The following RICTOR variants were observed in gnomAD, a reference collection of about 807,000 sequenced individuals.
RICTOR encodes the protein RPTOR independent companion of MTOR complex 2.
A neutral mutation model predicts 214.9 loss-of-function variants in RICTOR; 49 were observed. That is an observed-to-expected ratio of 0.23 (90% CI 0.18 to 0.29). RICTOR has a LOEUF of 0.29. Among genes scored for constraint, RICTOR ranks in the 10% least tolerant of loss-of-function variants. The pLI is 1.00. For missense variants in RICTOR, 1,625 were observed against 2,047.0 expected, an observed-to-expected ratio of 0.79 and a Z score of 3.98; for synonymous variants, 717 against 711.3, an observed-to-expected ratio of 1.01 and a Z score of -0.13.
At chr5:39,019,953 AAGAAGTTT>A (rs1192926274) in intron 3 of RICTOR, among the ~76,000 whole-genome samples, 7 of 152,170 alleles carry the variant, frequency 4.6e-5, no homozygotes, top group African/African-American at 1.7e-4. Context: ...AGGAATTTGG[AAGAAGTTT>A]ATTCCAATAC....
intron 3 of RICTOR, among the ~76,000 whole-genome samples, chr5:39,009,432 A>G (rs1754321878): frequency 6.6e-6 from 1 of 152,188 alleles, no homozygotes; most frequent in African/African-American, 2.4e-5. Context: ...CTGATTATTA[A>G]TGTCAATGCA....
intron 2 of RICTOR, among the ~76,000 whole-genome samples, chr5:39,064,520 C>A (rs1758767311): frequency 6.6e-6 from 1 of 152,080 alleles, no homozygotes; most frequent in Non-Finnish European, 1.5e-5. Flanking sequence ...CTTTTTAAGG[C>A]AGGTAATTGA....
chr5:38,994,835 A>G (rs1753063949), intron 6 of RICTOR, among the ~76,000 whole-genome samples: 1 of 152,248 alleles, frequency 6.6e-6, no homozygotes, highest in African/African-American at 2.4e-5. Context: ...ATCCATTTGA[A>G]ATTGTCTTTT....
At chr5:38,991,277 A>G (rs1036353043) in intron 6 of RICTOR, among the ~76,000 whole-genome samples, 3 of 152,150 alleles carry the variant, frequency 2.0e-5, no homozygotes, top group African/African-American at 4.8e-5. Flanking sequence ...ATTACTATGG[A>G]AAATGTGTTA....
intron 7 of RICTOR, among the ~76,000 whole-genome samples, chr5:38,990,147 A>C (rs1045985690): frequency 6.6e-6 from 1 of 152,150 alleles, no homozygotes; most frequent in African/African-American, 2.4e-5. Context: ...TACACCATGG[A>C]ATACTATGCA....
intron 2 of RICTOR, among the ~76,000 whole-genome samples, chr5:39,052,971 A>G (rs931624767): frequency 5.9e-5 from 9 of 152,240 alleles, no homozygotes; most frequent in Admixed American, 2.6e-4. Flanking sequence ...TAAATATCAA[A>G]TAAATAACAG....
intron 16 of RICTOR, among the ~76,000 whole-genome samples, chr5:38,963,654 G>A (rs1749977996): frequency 6.6e-6 from 1 of 151,896 alleles, no homozygotes; most frequent in Admixed American, 6.6e-5. Context: ...TGACTGGCAA[G>A]TATTTATCAA....
intron 7 of RICTOR, among the ~76,000 whole-genome samples, 174 bp from the exon 8 acceptor site, chr5:38,982,210 T>C (rs1751768611): frequency 6.6e-6 from 1 of 152,134 alleles, no homozygotes; most frequent in Admixed American, 6.6e-5. Flanking sequence ...TGAATATACT[T>C]CCCCACAACC....
chr5:39,048,711 A>T (rs1291740551), intron 2 of RICTOR, among the ~76,000 whole-genome samples: 1 of 152,154 alleles, frequency 6.6e-6, no homozygotes, highest in Non-Finnish European at 1.5e-5. Flanking sequence ...AGTTCTAGTG[A>T]ATCACTGAAT....
intron 2 of RICTOR, among the ~76,000 whole-genome samples, chr5:39,064,117 G>A (rs527402430): frequency 2.0e-5 from 3 of 152,178 alleles, no homozygotes; most frequent in East Asian, 1.9e-4. Flanking sequence ...AATGTTATAC[G>A]TATTAACTAG....
intron 19 of RICTOR, among the ~76,000 whole-genome samples, chr5:38,960,749 CCA>C (rs4018991): frequency 1.5e-4 from 2 of 13,456 alleles, no homozygotes; most frequent in African/African-American, 2.2e-4. Flanking sequence ...CCCATAATCC[CCA>C]CATGTCATGA....
intron 2 of RICTOR, among the ~76,000 whole-genome samples, chr5:39,026,127 T>C (rs1043383323): frequency 1.2e-4 from 19 of 152,082 alleles, no homozygotes; most frequent in African/African-American, 3.9e-4. Context: ...AGGTCAGAAA[T>C]AAGATGATAT....
chr5:39,051,076 C>T (rs1038033270), intron 2 of RICTOR, among the ~76,000 whole-genome samples: 3 of 150,808 alleles, frequency 2.0e-5, no homozygotes, highest in Non-Finnish European at 3.0e-5. Context: ...CACCTACACA[C>T]ACACACACGC....
At chr5:39,039,528 T>G (rs188322615) in intron 2 of RICTOR, among the ~76,000 whole-genome samples, 5,036 of 152,132 alleles carry the variant, frequency 0.033, 138 homozygotes, top group South Asian at 0.082. Context: ...AGTGAACAGG[T>G]AACCTACAGA....
Position 39,025,816 on chromosome 5 carries a change from G to A in RICTOR, c.98-4680C>T, listed in dbSNP as rs527416866. ...CCACCTCCTAATACCAATACGTTAC[G>A]GGTTAGGATTTTGACATATTAATTT... On this transcript the variant is annotated intron_variant, in intron 2 of 37. Coordinates refer to ENST00000357387, the MANE Select transcript of RICTOR (RefSeq NM_152756.5). 3.9e-5 allele frequency among the ~76,000 whole-genome samples: 6 copies of A among 152,190 alleles called. No homozygotes were observed. The East Asian group carries it at 9.6e-4, about 24-fold the overall frequency.
chr5:38,974,557 A>T (rs2150047475), intron 10 of RICTOR, among the ~76,000 whole-genome samples: 1 of 152,040 alleles, frequency 6.6e-6, no homozygotes, highest in East Asian at 1.9e-4. Flanking sequence ...GAAGATGAGG[A>T]GTGGTAAAGG....
chr5:39,066,361 C>T (rs1408000414), intron 2 of RICTOR, among the ~76,000 whole-genome samples: 1 of 152,212 alleles, frequency 6.6e-6, no homozygotes, highest in Non-Finnish European at 1.5e-5. Flanking sequence ...CTAGCCCAGG[C>T]CCACAAAACC....
Position 38,938,947 on chromosome 5 carries a change from G to A in RICTOR, c.*3357C>T, listed in dbSNP as rs1232771906. The A allele has an allele frequency of 8.6e-6, 2 of 232,852 alleles. No homozygotes were observed. Among genetic ancestry groups the A allele is most frequent in the East Asian group, 1.2e-4 (2 of 16,414 alleles). The allele number at this position is 232,852 out of a possible 1,614,324, so 14.4% of individuals were successfully genotyped here. ...TTTTCCCCATGTTTTAATGGATTGTGAATCTGAGACAAAAGTGGAAGCATA... is the reference window on the plus strand; with the variant it reads ...TTTTCCCCATGTTTTAATGGATTGTAAATCTGAGACAAAAGTGGAAGCATA... On this transcript the variant is annotated 3_prime_UTR_variant, in exon 38 of 38. Transcript: ENST00000357387.
intron 8 of RICTOR, among the ~76,000 whole-genome samples, chr5:38,980,421 G>A (rs866783876): frequency 6.6e-6 from 1 of 152,134 alleles, no homozygotes; most frequent in Non-Finnish European, 1.5e-5. Flanking sequence ...TTATTCTAAC[G>A]TCCAACTAAG....
Sources: gnomAD v4.1 joint callset for allele counts (sites outside exome capture counted in the v4.1 genomes callset) on GRCh38, gnomAD v4.1.1 for gene constraint, MANE v1.5 for transcripts, NCBI Gene and HGNC (gene_info 2026-07-23, HGNC 2026-07-21) for gene names.